RPA1: variants seen among roughly 807,000 people sequenced by gnomAD.
The protein encoded by RPA1 is replication protein A 70 kDa DNA-binding subunit.
In RPA1, 49 loss-of-function variants were observed where a neutral mutation model predicts 83.0. The observed-to-expected ratio is 0.59, with a 90% CI of 0.47 to 0.75. RPA1 has a LOEUF of 0.75. RPA1 is among the 30% of genes least tolerant of loss of function. The pLI, the probability that RPA1 is intolerant of heterozygous loss-of-function variation, is 0.00. For missense variants in RPA1, 693 were observed against 776.1 expected, an observed-to-expected ratio of 0.89 and a Z score of 1.27; for synonymous variants, 279 against 281.8, an observed-to-expected ratio of 0.99 and a Z score of 0.10.
In RPA1 at chr17:1,879,464, G is replaced by A. The variant is rs147712209; in HGVS notation, c.952+57G>A. On this transcript the variant is annotated intron_variant, in intron 10 of 16. Transcript: ENST00000254719. ...ATGACTAGCTTTCTTTGCAGTGTAC[G>A]GGGTGGTGTCAGGCTTCAGTGCTTG... 5.2e-3 allele frequency: 8,400 copies of A among 1,611,012 alleles called. 28 individuals are homozygous for A. Among genetic ancestry groups the A allele is most frequent in the Non-Finnish European group, 6.3e-3 (7,398 of 1,178,036 alleles).
At chr17:1,865,259 G>A (rs1358708201) in intron 5 of RPA1, among the ~76,000 whole-genome samples, 1 of 152,198 alleles carries the variant, frequency 6.6e-6, no homozygotes, top group Admixed American at 6.5e-5. Context: ...TCATTTCCCA[G>A]TGAGAACAGT....
chr17:1,848,353 T>C (rs900055144), intron 4 of RPA1, among the ~76,000 whole-genome samples: 16 of 152,192 alleles, frequency 1.1e-4, no homozygotes, highest in African/African-American at 3.6e-4. Context: ...GGCTCATGCC[T>C]GTAATCCCAG....
chr17:1,851,257 G>A (rs972026094), intron 4 of RPA1, among the ~76,000 whole-genome samples: 3 of 134,190 alleles, frequency 2.2e-5, no homozygotes, highest in Non-Finnish European at 3.2e-5. Context: ...GTATATGTGC[G>A]TGTGTATGTG....
Position 1,872,452 on chromosome 17 carries a change from T to C in RPA1, c.380T>C (p.Val127Ala). The C allele has an allele frequency of 6.2e-7, 1 of 1,613,936 alleles. No individual in the cohort carries two copies. Among genetic ancestry groups the C allele is most frequent in the Non-Finnish European group, 8.5e-7 (1 of 1,179,978 alleles). Residue 127 changes from valine (V) to alanine (A), a missense_variant, in exon 6 of 17, where the codon GTA becomes GCA. Physicochemically the swap from Val to Ala is moderately conservative, Grantham distance 64. Coordinates refer to ENST00000254719, the MANE Select transcript of RPA1 (RefSeq NM_002945.5). ...TCTTCAGGACTCGGGCAGCCGCAAG[T>C]AGCTCCTCCAGCGCCAGCAGCCAGC... ...PYNEGLGQPQVAPPAPAASPA... is the reference protein window; with the variant it reads ...PYNEGLGQPQAAPPAPAASPA...
At chr17:1,866,504 A>T (rs1913179793) in intron 5 of RPA1, among the ~76,000 whole-genome samples, 1 of 152,108 alleles carries the variant, frequency 6.6e-6, no homozygotes, top group Non-Finnish European at 1.5e-5. Context: ...TTTAGTAGAG[A>T]TGGGGTTTTA....
Position 1,879,197 on chromosome 17 carries a change from G to T in RPA1, c.760-18G>T. Reference sequence around the variant, plus strand: ...TTTGATGGTAGTCTCAGGTTCTGTGGCTTGGCCTCCTTCGCAGGTGTATTA... The same window carrying T: ...TTTGATGGTAGTCTCAGGTTCTGTGTCTTGGCCTCCTTCGCAGGTGTATTA... On this transcript the variant is annotated intron_variant, in intron 9 of 16. Transcript: ENST00000254719. 1 of 1,611,902 alleles carries T rather than the reference G, an allele frequency of 6.2e-7. No individual in the cohort carries two copies. Among genetic ancestry groups the T allele is most frequent in the Non-Finnish European group, 8.5e-7 (1 of 1,178,558 alleles).
At chr17:1,863,552 G>A (rs1022379432) in intron 5 of RPA1, among the ~76,000 whole-genome samples, 1 of 152,006 alleles carries the variant, frequency 6.6e-6, no homozygotes, top group Non-Finnish European at 1.5e-5. Flanking sequence ...ACAGAGTTTT[G>A]CCATGTTGTC....
rs1401980652 is a variant in RPA1 at position 1,859,433 on chromosome 17, GTC to G, written c.361+6250_361+6251del. Among the ~76,000 whole-genome samples the G allele has an allele frequency of 2.6e-5, 4 of 152,246 alleles. No homozygotes were observed. In the East Asian group the frequency reaches 7.7e-4, roughly 29 times the overall value. ...AACTGTAATAATTGTAAGTTTCTCT[GTC>G]TCTCTGCAGTTCTATTAGTTTTTGC... On this transcript the variant is annotated intron_variant, in intron 5 of 16. Transcript: ENST00000254719.
Position 1,897,157 on chromosome 17 carries a change from G to C in RPA1, c.1833G>C (p.Arg611Ser), listed in dbSNP as rs1914472350. Residue 611 changes from arginine (R) to serine (S), a missense_variant, in exon 17 of 17, where the codon AGG becomes AGC. By Grantham distance (110) the Arg-to-Ser change is moderately radical (BLOSUM62 -1). Transcript: ENST00000254719. ...EYGRRLVMSI[R>S]RSALM ...GCCGAAGGCTGGTCATGAGCATCAG[G>C]AGAAGTGCATTGATGTGAGAGGAGC... The C allele has an allele frequency of 6.4e-7, 1 of 1,558,306 alleles. No individual in the cohort carries two copies. Among genetic ancestry groups the C allele is most frequent in the African/African-American group, 1.4e-5 (1 of 73,488 alleles).
At chr17:1,832,727 A>C (rs1911669101) in intron 1 of RPA1, among the ~76,000 whole-genome samples, 1 of 152,054 alleles carries the variant, frequency 6.6e-6, no homozygotes, top group South Asian at 2.1e-4. Flanking sequence ...CAAGATACTA[A>C]ACTGTTTCTT....
intron 1 of RPA1, among the ~76,000 whole-genome samples, chr17:1,837,092 T>A (rs1911854914): frequency 6.6e-6 from 1 of 152,080 alleles, no homozygotes; most frequent in South Asian, 2.1e-4. Flanking sequence ...CGCCTCAGCC[T>A]CCCAAAGTGC....
At chr17:1,895,423 A>G (rs1914375077) in intron 16 of RPA1, among the ~76,000 whole-genome samples, 2 of 151,228 alleles carry the variant, frequency 1.3e-5, no homozygotes, top group Non-Finnish European at 2.9e-5. Flanking sequence ...CGCATGCAGT[A>G]GAGTCATATC....
intron 2 of RPA1, 27 bp downstream of exon 2, chr17:1,842,880 A>T: frequency 1.2e-6 from 2 of 1,609,432 alleles, no homozygotes; most frequent in Non-Finnish European, 1.7e-6. Context: ...GTTATGTTCC[A>T]TGTCAACTTC....
At chr17:1,879,829 T>C in intron 11 of RPA1, 130 bp downstream of exon 11, 6 of 1,152,090 alleles carry the variant, frequency 5.2e-6, no homozygotes, top group Non-Finnish European at 6.2e-6. Context: ...AGTGGTCTTA[T>C]CCTATAGGAT....
Position 1,844,104 on chromosome 17 carries a change from G to T in RPA1, c.163+106G>T, listed in dbSNP as rs927479563. Reference sequence around the variant, plus strand: ...GGGGGCATTCGTGAAGTCCGTACTTGCTTGGCTACGTACTTCATTCAGACA... The same window carrying T: ...GGGGGCATTCGTGAAGTCCGTACTTTCTTGGCTACGTACTTCATTCAGACA... On this transcript the variant is annotated intron_variant, in intron 3 of 16. Coordinates refer to ENST00000254719, the MANE Select transcript of RPA1 (RefSeq NM_002945.5). The T allele has an allele frequency of 5.9e-6, 5 of 852,472 alleles. No individual in the cohort carries two copies. In the African/African-American group the frequency reaches 8.4e-5, roughly 14 times the overall value. 52.8% of individuals were successfully genotyped at this position (852,472 alleles called of 1,614,324 possible).
intron 15 of RPA1, among the ~76,000 whole-genome samples, chr17:1,892,226 C>T (rs375805760): frequency 1.1e-4 from 17 of 152,214 alleles, no homozygotes; most frequent in African/African-American, 3.9e-4. Context: ...AGGCTGGTCT[C>T]GAACTCCTGA....
chr17:1,861,576 GAC>G (rs1567812633), intron 5 of RPA1, among the ~76,000 whole-genome samples: 2 of 152,170 alleles, frequency 1.3e-5, no homozygotes, highest in Non-Finnish European at 2.9e-5. Flanking sequence ...CCTGTCTAGA[GAC>G]AGTCTGTTTC....
At chr17:1,894,717 T>C (rs773522121) in intron 15 of RPA1, among the ~76,000 whole-genome samples, 8 of 152,192 alleles carry the variant, frequency 5.3e-5, no homozygotes, top group African/African-American at 1.2e-4. Flanking sequence ...ACACTGTTCA[T>C]GGGTGGCGAT....
intron 1 of RPA1, among the ~76,000 whole-genome samples, chr17:1,831,985 G>A (rs1204601716): frequency 2.7e-5 from 4 of 147,678 alleles, no homozygotes; most frequent in African/African-American, 7.5e-5. Context: ...CTGGAGTGCG[G>A]TGGCGCAATC....
Sources: allele counts gnomAD v4.1 joint callset (sites outside exome capture counted in the v4.1 genomes callset), GRCh38; gene constraint gnomAD v4.1.1; transcripts MANE v1.5; gene names NCBI Gene and HGNC (gene_info 2026-07-23, HGNC 2026-07-21).